Variants in BTG4 observed in about 807,000 individuals in gnomAD.
BTG4 encodes BTG anti-proliferation factor 4.
A neutral mutation model predicts 19.3 loss-of-function variants in BTG4; 10 were observed. The observed-to-expected ratio is 0.52, with a 90% CI of 0.32 to 0.88. The LOEUF is 0.88. Among genes scored for constraint, BTG4 ranks in the 40% least tolerant of loss-of-function variants. The pLI, the probability that BTG4 is intolerant of heterozygous loss-of-function variation, is 0.04. For missense variants in BTG4, 238 were observed against 281.9 expected (o/e 0.84, Z 1.11); for synonymous variants, 91 against 95.7 (o/e 0.95, Z 0.29).
At chr11:111,387,428 A>G in the BTG4 span, among the ~76,000 whole-genome samples, 224 of 152,354 alleles carry the variant, frequency 1.5e-3, no homozygotes, top group African/African-American at 5.1e-3. Flanking sequence ...TGAAAAGGAA[A>G]TCATATTCAT....
the BTG4 span, among the ~76,000 whole-genome samples, chr11:111,424,352 G>A: frequency 5.9e-5 from 9 of 152,354 alleles, no homozygotes; most frequent in East Asian, 1.7e-3. Flanking sequence ...AAAAACAAAG[G>A]AGTCAAGAGG....
chr11:111,475,458 A>G (rs1012287638), intron 5 of BTG4: 5 of 150,866 alleles, frequency 3.3e-5, no homozygotes, highest in Admixed American at 2.6e-4. Context: ...ATCACAAAGT[A>G]GATGGATATA....
downstream of BTG4, among the ~76,000 whole-genome samples, chr11:111,464,352 T>G (rs1010073009): frequency 6.6e-6 from 1 of 152,168 alleles, no homozygotes; most frequent in African/African-American, 2.4e-5. Context: ...TTTTGCCATG[T>G]TCTATTCATT....
At chr11:111,394,789 G>A in the BTG4 span, among the ~76,000 whole-genome samples, 3 of 151,772 alleles carry the variant, frequency 2.0e-5, no homozygotes, top group South Asian at 6.4e-4. Context: ...CTGACACCAG[G>A]AAATCATCAT....
chr11:111,474,539 C>A (rs576829874), intron 5 of BTG4, among the ~76,000 whole-genome samples: 89 of 152,186 alleles, frequency 5.8e-4, no homozygotes, highest in African/African-American at 2.0e-3. Flanking sequence ...ATAAACTATC[C>A]CACTGTGTAG....
chr11:111,512,461 G>C (rs1250247848), upstream of BTG4: 1 of 150,274 alleles, frequency 6.7e-6, no homozygotes, highest in Non-Finnish European at 1.5e-5. Context: ...TTCCAAGGAC[G>C]GTTGGTCGCC....
chr11:111,411,615 C>G, the BTG4 span, among the ~76,000 whole-genome samples: 1,312 of 152,300 alleles, frequency 8.6e-3, 24 homozygotes, highest in African/African-American at 0.03. Flanking sequence ...ACAAATCAAC[C>G]AAGGATCTTG....
the BTG4 span, among the ~76,000 whole-genome samples, chr11:111,418,499 G>A: frequency 2.6e-5 from 4 of 152,194 alleles, no homozygotes; most frequent in African/African-American, 9.7e-5. Flanking sequence ...CTCCTATGCT[G>A]CAGTGAAGTG....
the BTG4 span, among the ~76,000 whole-genome samples, chr11:111,410,569 A>G: frequency 6.6e-6 from 1 of 152,206 alleles, no homozygotes; most frequent in Non-Finnish European, 1.5e-5. Flanking sequence ...TGCAATGAGT[A>G]CAAAAGACCA....
the BTG4 span, among the ~76,000 whole-genome samples, chr11:111,447,322 C>T: frequency 1.3e-5 from 2 of 152,148 alleles, no homozygotes; most frequent in Admixed American, 6.6e-5. Flanking sequence ...CTTTCTGGAC[C>T]GCAGTCTTCT....
At chr11:111,455,563 A>C in the BTG4 span, 1 of 258,750 alleles carries the variant, frequency 3.9e-6, no homozygotes, top group South Asian at 4.1e-5. Context: ...CAGCAGTTGA[A>C]AGCACAGATG....
At chr11:111,458,802 TAAC>T in the BTG4 span, among the ~76,000 whole-genome samples, 1 of 152,042 alleles carries the variant, frequency 6.6e-6, no homozygotes, top group Non-Finnish European at 1.5e-5. Flanking sequence ...TTCCCACAAA[TAAC>T]AACAAAACAA....
At chr11:111,466,536 T>G (rs937779107), downstream of BTG4, among the ~76,000 whole-genome samples, 5 of 152,172 alleles carry the variant, frequency 3.3e-5, no homozygotes, top group African/African-American at 7.2e-5. Flanking sequence ...CTGAAAATCA[T>G]TTTTTCCATA....
At chr11:111,468,569 G>C (rs1863867036) in intron 5 of BTG4, among the ~76,000 whole-genome samples, 1 of 152,212 alleles carries the variant, frequency 6.6e-6, no homozygotes, top group African/African-American at 2.4e-5. Context: ...CAGATTGTCT[G>C]ATTCCAAACT....
the BTG4 span, among the ~76,000 whole-genome samples, chr11:111,419,778 A>G: frequency 6.6e-6 from 1 of 152,182 alleles, no homozygotes; most frequent in Non-Finnish European, 1.5e-5. Context: ...GGATGGCTTC[A>G]CCCTCCACAC....
chr11:111,502,362 G>T (rs1305696183), intron 1 of BTG4, among the ~76,000 whole-genome samples: 1 of 152,112 alleles, frequency 6.6e-6, no homozygotes, highest in Non-Finnish European at 1.5e-5. Context: ...AGCAAAAGTG[G>T]AAATCATTAA....
intron 5 of BTG4, among the ~76,000 whole-genome samples, chr11:111,480,610 G>T (rs921914322): frequency 4.0e-5 from 6 of 151,840 alleles, no homozygotes; most frequent in African/African-American, 1.4e-4. Context: ...AGAGTGTATT[G>T]TCCAACCAGA....
the BTG4 span, among the ~76,000 whole-genome samples, chr11:111,412,718 A>C: frequency 1.4e-4 from 22 of 152,256 alleles, no homozygotes; most frequent in Non-Finnish European, 3.1e-4. Context: ...AGGTTAAGTG[A>C]CTTGACCAAG....
At chr11:111,451,672 G>A in the BTG4 span, among the ~76,000 whole-genome samples, 4 of 152,166 alleles carry the variant, frequency 2.6e-5, no homozygotes, top group Non-Finnish European at 5.9e-5. Flanking sequence ...GCTGAGGCAG[G>A]AGAATCGCTT....
Sources: allele counts gnomAD v4.1 joint callset (sites outside exome capture counted in the v4.1 genomes callset), GRCh38; gene constraint gnomAD v4.1.1; transcripts MANE v1.5; gene names NCBI Gene and HGNC (gene_info 2026-07-23, HGNC 2026-07-21).